Variants in MEI4 observed in about 807,000 individuals in gnomAD.
MEI4 encodes the protein meiotic double-stranded break formation protein 4.
In MEI4, 27 loss-of-function variants were observed where a neutral mutation model predicts 31.4. The observed-to-expected ratio is 0.86, with a 90% CI of 0.63 to 1.19. MEI4 has a LOEUF of 1.19. Among genes scored for constraint, MEI4 ranks in the 50% most tolerant of loss-of-function variants. The pLI is 0.00. For missense variants in MEI4, 329 were observed against 398.9 expected, an observed-to-expected ratio of 0.82 and a Z score of 1.49; for synonymous variants, 122 against 145.4, an observed-to-expected ratio of 0.84 and a Z score of 1.16.
At chr6:77,699,564 C>G (rs1766158381) in intron 2 of MEI4, among the ~76,000 whole-genome samples, 1 of 152,152 alleles carries the variant, frequency 6.6e-6, no homozygotes, top group Non-Finnish European at 1.5e-5. Flanking sequence ...CGTCTGAAGC[C>G]TTCTTCTCTC....
At chr6:77,861,564 TA>T (rs1415497210) in intron 4 of MEI4, among the ~76,000 whole-genome samples, 1 of 152,182 alleles carries the variant, frequency 6.6e-6, no homozygotes, top group African/African-American at 2.4e-5. Flanking sequence ...TTATGAATTT[TA>T]ATATTTTTCC....
Position 77,923,163 on chromosome 6 carries a change from A to T in MEI4, c.975A>T (p.Gln325His). ...YLFWVLEQLL[Q>H]KETEEGNTSS... ...TCTGGGTTCTGGAGCAGCTTCTTCA[A>T]AAGGAAACCGAAGAAGGCAACACTT... The change falls in exon 5 of 5, where the codon CAA (glutamine) becomes CAT (histidine). Residue 325 changes from glutamine to histidine, a missense_variant. By Grantham distance (24) the Gln-to-His change is conservative. Coordinates refer to ENST00000684080, the MANE Select transcript of MEI4 (RefSeq NM_001322247.2). 8.1e-7 allele frequency: 1 copy of T among 1,230,662 alleles called. No homozygotes were observed. Among genetic ancestry groups the T allele is most frequent in the African/African-American group, 1.6e-5 (1 of 64,420 alleles). 76.2% of individuals were successfully genotyped at this position (1,230,662 alleles called of 1,614,324 possible). A position where few individuals can be genotyped will look rare whatever the true frequency, so the allele number is the denominator to read the frequency against.
chr6:77,701,330 T>C lies in MEI4; in HGVS notation c.232+10427T>C, dbSNP rs866556496. Among the ~76,000 whole-genome samples the C allele has an allele frequency of 2.6e-5, 4 of 152,138 alleles. No homozygotes were observed. The Middle Eastern group carries it at 0.01, about 388-fold the overall frequency. On this transcript the variant is annotated intron_variant, in intron 2 of 4. Transcript: ENST00000684080. ...GCTGTTTCTAAACTGGACTAGGGAT[T>C]GAAGGGTTTATGGTGACAAGAGCAG... is the stretch of plus-strand genomic sequence containing the variant.
At chr6:77,808,795 G>A (rs1264904198) in intron 3 of MEI4, among the ~76,000 whole-genome samples, 1 of 152,168 alleles carries the variant, frequency 6.6e-6, no homozygotes, top group Admixed American at 6.6e-5. Context: ...AGGATAAGAA[G>A]AAGTGGAGCA....
At chr6:77,734,491 T>C (rs1767119528) in intron 2 of MEI4, among the ~76,000 whole-genome samples, 1 of 152,066 alleles carries the variant, frequency 6.6e-6, no homozygotes, top group Non-Finnish European at 1.5e-5. Context: ...ATTTGCTTGG[T>C]AGATCTTCCT....
chr6:77,922,066 G>A (rs1248957697), intron 4 of MEI4, among the ~76,000 whole-genome samples: 4 of 151,692 alleles, frequency 2.6e-5, no homozygotes, highest in Admixed American at 6.6e-5. Flanking sequence ...TGCAATATCT[G>A]GGAGGTACAA....
chr6:77,802,050 G>C (rs988711330), intron 3 of MEI4, among the ~76,000 whole-genome samples: 13 of 152,100 alleles, frequency 8.5e-5, no homozygotes, highest in Non-Finnish European at 7.4e-5. Flanking sequence ...TCGTTGATCT[G>C]TCTAATGTTG....
chr6:77,828,888 TTGACG>T (rs1472082007), intron 3 of MEI4, 38 bp from the exon 4 acceptor site: 2 of 1,225,660 alleles, frequency 1.6e-6, no homozygotes, highest in African/African-American at 3.1e-5. Context: ...ACATTTTGAT[TTGACG>T]TGATGGAATA....
At chr6:77,678,554 A>ACAATGTTATAGCCTAGCACATTGCGTAC (rs58196034) in intron 1 of MEI4, among the ~76,000 whole-genome samples, 1 of 151,934 alleles carries the variant, frequency 6.6e-6, no homozygotes, top group African/African-American at 2.4e-5. Flanking sequence ...AGGAGCCATC[A>ACAATGTTATAGCCTAGCACATTGCGTAC]ATGTTTGTGG....
intron 2 of MEI4, among the ~76,000 whole-genome samples, chr6:77,756,510 A>G (rs1392143307): frequency 6.6e-6 from 1 of 151,994 alleles, no homozygotes; most frequent in African/African-American, 2.4e-5. Flanking sequence ...TATTAATAGT[A>G]GATGCTATAA....
At chr6:77,785,787 A>G (rs1877532) in intron 3 of MEI4, among the ~76,000 whole-genome samples, 14,012 of 152,220 alleles carry the variant, frequency 0.092, 941 homozygotes, top group East Asian at 0.31. Flanking sequence ...GCTAGATAAC[A>G]GGAAATTGAG....
At chr6:77,791,286 C>G (rs544008790) in intron 3 of MEI4, among the ~76,000 whole-genome samples, 99 of 152,192 alleles carry the variant, frequency 6.5e-4, no homozygotes, top group Non-Finnish European at 1.2e-3. Flanking sequence ...CAAGCGAAAT[C>G]TCCAACAATG....
At chr6:77,813,413 A>G (rs1769618772) in intron 3 of MEI4, among the ~76,000 whole-genome samples, 1 of 152,262 alleles carries the variant, frequency 6.6e-6, no homozygotes, top group South Asian at 2.1e-4. Context: ...AAGCAAACAA[A>G]CAAAAAACAA....
At chr6:77,907,931 G>A in intron 4 of MEI4, among the ~76,000 whole-genome samples, 1 of 151,638 alleles carries the variant, frequency 6.6e-6, no homozygotes, top group Admixed American at 6.6e-5. Flanking sequence ...TTGTCTTTTG[G>A]CTGCATAAAT....
At chr6:77,744,709 C>T (rs1186349878) in intron 2 of MEI4, among the ~76,000 whole-genome samples, 1 of 152,098 alleles carries the variant, frequency 6.6e-6, no homozygotes, top group East Asian at 1.9e-4. Flanking sequence ...TTGTTAAGGG[C>T]AGCCAGAGAG....
Position 77,923,561 on chromosome 6 carries a change from C to A in MEI4, c.*215C>A. ...AATCAGCCAGTTTCGGTTGGTAATG[C>A]CATCCTTATTCCCATGTAACTGTAT... On this transcript the variant is annotated 3_prime_UTR_variant, in exon 5 of 5. Transcript: ENST00000684080. 3.0e-6 allele frequency: 1 copy of A among 333,968 alleles called. No homozygotes were observed. 20.7% of individuals were successfully genotyped at this position (333,968 alleles called of 1,614,324 possible).
chr6:77,905,182 CTGT>C (rs1007748920), intron 4 of MEI4, among the ~76,000 whole-genome samples: 36 of 152,032 alleles, frequency 2.4e-4, no homozygotes, highest in Admixed American at 1.6e-3. Flanking sequence ...TGGCAGTTTG[CTGT>C]TGTTGTTGTT....
chr6:77,852,273 A>AAAATAACT (rs1357948801), intron 4 of MEI4, among the ~76,000 whole-genome samples: 1 of 152,226 alleles, frequency 6.6e-6, no homozygotes, highest in African/African-American at 2.4e-5. Flanking sequence ...ATGCATGAAT[A>AAAATAACT]AAATAACTTT....
At chr6:77,859,330 G>T (rs541682169) in intron 4 of MEI4, among the ~76,000 whole-genome samples, 1 of 152,020 alleles carries the variant, frequency 6.6e-6, no homozygotes, top group African/African-American at 2.4e-5. Context: ...ATAAACATAC[G>T]TGTGCATGTG....
Sources: gnomAD v4.1 joint callset for allele counts (sites outside exome capture counted in the v4.1 genomes callset) on GRCh38, gnomAD v4.1.1 for gene constraint, MANE v1.5 for transcripts, NCBI Gene and HGNC (gene_info 2026-07-23, HGNC 2026-07-21) for gene names.